Variants in PPP2R2C observed in about 807,000 individuals in gnomAD.
PPP2R2C encodes the protein protein phosphatase 2 regulatory subunit Bgamma.
In PPP2R2C, 10 loss-of-function variants were observed where a neutral mutation model predicts 45.3. The observed-to-expected ratio is 0.22, with a 90% CI of 0.14 to 0.37. The LOEUF is 0.37. Ranked by LOEUF, PPP2R2C falls within the 10% of genes least tolerant of loss-of-function variation. The probability of loss-of-function intolerance (pLI) is 1.00; values close to 1 mark genes in which losing one functional copy is unlikely to be tolerated. For synonymous variants in PPP2R2C, 257 were observed against 245.4 expected, an observed-to-expected ratio of 1.05 and a Z score of -0.44; for missense variants, 308 against 619.7, an observed-to-expected ratio of 0.50 and a Z score of 5.34.
intron 5 of PPP2R2C, among the ~76,000 whole-genome samples, chr4:6,348,478 G>C (rs1712214349): frequency 2.6e-5 from 4 of 152,106 alleles, no homozygotes; most frequent in African/African-American, 9.7e-5. Flanking sequence ...AATTGTGTCT[G>C]GAATTGAGTG....
intron 1 of PPP2R2C, among the ~76,000 whole-genome samples, chr4:6,409,623 G>C (rs765787630): frequency 1.3e-5 from 2 of 152,210 alleles, no homozygotes; most frequent in East Asian, 1.9e-4. Context: ...AGAGTAGCAA[G>C]AGGGAGGCAC....
At position 6,321,021 on chromosome 4, in the gene PPP2R2C, G is replaced by C. The variant is rs1217816322; in HGVS notation, c.*2281C>G. ...TTGCTTTGGACATCATTATTTTCCAGGGATCCAGAGACATACTTTTCTTCA... is the reference window on the plus strand; with the variant it reads ...TTGCTTTGGACATCATTATTTTCCACGGATCCAGAGACATACTTTTCTTCA... On this transcript the variant is annotated 3_prime_UTR_variant, in exon 9 of 9. Transcript: ENST00000382599. The C allele has an allele frequency of 6.6e-6, 1 of 152,110 alleles. No homozygotes were observed. The highest frequency in any genetic ancestry group is 1.5e-5 in the Non-Finnish European group (1 of 68,032). The allele number at this position is 152,110 out of a possible 1,614,324, so 9.4% of individuals were successfully genotyped here. A position where few individuals can be genotyped will look rare whatever the true frequency, so the allele number is the denominator to read the frequency against.
In PPP2R2C at chr4:6,471,764, GA is replaced by G; in HGVS notation, c.70+395del. ...AATTCTGCGGGCTTTGGGCAGGGCT[GA>G]AATGGCAAATCCAGGATTTAAACCA... On this transcript the variant is annotated intron_variant, in intron 1 of 8. Coordinates refer to ENST00000382599, the MANE Select transcript of PPP2R2C (RefSeq NM_020416.4). The surrounding 1 kb of genome is among the most constrained non-coding windows in gnomAD (Gnocchi z 5.6). 1 of 179,162 alleles carries G rather than the reference GA, an allele frequency of 5.6e-6. No individual in the cohort carries two copies. Among genetic ancestry groups the G allele is most frequent in the Non-Finnish European group, 1.2e-5 (1 of 85,788 alleles). The allele number at this position is 179,162 out of a possible 1,614,324, so 11.1% of individuals were successfully genotyped here. A position where few individuals can be genotyped will look rare whatever the true frequency, so the allele number is the denominator to read the frequency against.
rs1464306392 is a variant in PPP2R2C at position 6,381,345 on chromosome 4, C to A, written c.71-251G>T. 7 of 1,507,090 alleles carry A rather than the reference C, an allele frequency of 4.6e-6. No homozygotes were observed. The South Asian group carries it at 8.4e-5, about 18-fold the overall frequency. The allele number at this position is 1,507,090 out of a possible 1,614,324, so 93.4% of individuals were successfully genotyped here. A position where few individuals can be genotyped will look rare whatever the true frequency, so the allele number is the denominator to read the frequency against. On this transcript the variant is annotated intron_variant, in intron 1 of 8. Transcript: ENST00000382599. ...GGGACTTGGCACAGGCCTGGGGCGACCACAGTGGCTGGCAGACTTTATAGT... is the reference window on the plus strand; with the variant it reads ...GGGACTTGGCACAGGCCTGGGGCGAACACAGTGGCTGGCAGACTTTATAGT...
rs573598950 is a variant in PPP2R2C at position 6,358,467 on chromosome 4, A to G, written c.626-10457T>C. Among the ~76,000 whole-genome samples, 35 of 152,232 alleles carry G rather than the reference A, an allele frequency of 2.3e-4. 1 individual carries two copies. In the East Asian group the frequency reaches 6.4e-3, roughly 28 times the overall value. ...TAAAACACCAAAAGCAATGGCAACA[A>G]AAGCCAAAATAGACAAATGGGATCT... On this transcript the variant is annotated intron_variant, in intron 5 of 8. Coordinates refer to ENST00000382599, the MANE Select transcript of PPP2R2C (RefSeq NM_020416.4).
At chr4:6,460,847 C>T (rs1721283800) in intron 1 of PPP2R2C, among the ~76,000 whole-genome samples, 1 of 152,144 alleles carries the variant, frequency 6.6e-6, no homozygotes, top group Admixed American at 6.5e-5. Context: ...CCATCTGGTT[C>T]CACAATGTCA....
chr4:6,393,116 T>G (rs1716770364), intron 1 of PPP2R2C, among the ~76,000 whole-genome samples: 2 of 152,208 alleles, frequency 1.3e-5, no homozygotes, highest in African/African-American at 4.8e-5. Context: ...TTTTAACAGA[T>G]TCACAGAATT....
Position 6,382,575 on chromosome 4 carries a change from A to G in PPP2R2C, c.71-1481T>C, listed in dbSNP as rs1715881649. 3.8e-6 allele frequency: 5 copies of G among 1,301,560 alleles called. No individual in the cohort carries two copies. In the Admixed American group the frequency reaches 9.7e-5, roughly 25 times the overall value. The allele number at this position is 1,301,560 out of a possible 1,614,324, so 80.6% of individuals were successfully genotyped here. ...GCAGCTTCCCCAGTCTCAGGTGATG[A>G]CAGCTCTATTGTTCACTTGCTCAGG... On this transcript the variant is annotated intron_variant, in intron 1 of 8. Transcript: ENST00000382599.
chr4:6,423,191 T>G (rs1719085535), intron 1 of PPP2R2C, among the ~76,000 whole-genome samples: 1 of 151,712 alleles, frequency 6.6e-6, no homozygotes, highest in Admixed American at 6.6e-5. Context: ...ATTTTGGGGG[T>G]TTTCTTGTTT....
intron 1 of PPP2R2C, among the ~76,000 whole-genome samples, chr4:6,445,513 T>C (rs1049157918): frequency 6.6e-6 from 1 of 152,238 alleles, no homozygotes; most frequent in African/African-American, 2.4e-5. Flanking sequence ...CACAGCCTCA[T>C]AGACAGACAG....
At chr4:6,419,524 G>A (rs1003233436) in intron 1 of PPP2R2C, among the ~76,000 whole-genome samples, 1 of 152,102 alleles carries the variant, frequency 6.6e-6, no homozygotes, top group Non-Finnish European at 1.5e-5. Context: ...TCTACTATCA[G>A]GCCCTTCACA....
At chr4:6,462,118 G>T (rs925568505) in intron 1 of PPP2R2C, among the ~76,000 whole-genome samples, 1 of 152,258 alleles carries the variant, frequency 6.6e-6, no homozygotes. Flanking sequence ...GGAGAGAGGG[G>T]CAGCCCCAAG....
chr4:6,411,129 C>G (rs1484161252), intron 1 of PPP2R2C, among the ~76,000 whole-genome samples: 2 of 152,038 alleles, frequency 1.3e-5, no homozygotes, highest in African/African-American at 4.8e-5. Context: ...CCTCAGCCTC[C>G]CAAAGGGCTT....
chr4:6,499,889 C>A (rs565152264), intron 2 of PPP2R2C, among the ~76,000 whole-genome samples: 204 of 152,228 alleles, frequency 1.3e-3, no homozygotes, highest in African/African-American at 4.6e-3. Context: ...CCCCTCCCCA[C>A]CAAGCCACTC....
At position 6,525,661 on chromosome 4, in the gene PPP2R2C, C is replaced by T. The variant is rs148055507; in HGVS notation, c.49+9610G>A. Among the ~76,000 whole-genome samples, 15 of 152,270 alleles carry T rather than the reference C, an allele frequency of 9.9e-5. No individual in the cohort carries two copies. In the East Asian group the frequency reaches 1.5e-3, roughly 16 times the overall value. ...CCCTACTGCTGATTCCAACCAACCA[C>T]TCAGGGCTGCCCCTTTCTTTTTCAG... On this transcript the variant is annotated intron_variant, in intron 2 of 9. Transcript: ENST00000506140.
At chr4:6,535,153 G>A in intron 2 of PPP2R2C, 1 of 1,194,428 alleles carries the variant, frequency 8.4e-7, no homozygotes, top group East Asian at 2.6e-5. Context: ...CCGGATCCCA[G>A]CACGGTGGGG....
At chr4:6,419,334 G>A (rs1446207966) in intron 1 of PPP2R2C, among the ~76,000 whole-genome samples, 1 of 152,160 alleles carries the variant, frequency 6.6e-6, no homozygotes, top group Non-Finnish European at 1.5e-5. Context: ...GCTAAGGCAG[G>A]AGAATCGCTT....
chr4:6,443,268 T>A (rs1720244438), intron 1 of PPP2R2C, among the ~76,000 whole-genome samples: 1 of 152,222 alleles, frequency 6.6e-6, no homozygotes, highest in Admixed American at 6.5e-5. Flanking sequence ...TCAACCTTAA[T>A]AGGATTAGTG....
chr4:6,346,684 A>G (rs573154577), intron 6 of PPP2R2C, among the ~76,000 whole-genome samples: 187 of 152,298 alleles, frequency 1.2e-3, no homozygotes, highest in Admixed American at 2.7e-3. Flanking sequence ...AACTTGGCCA[A>G]GGAAGGAGGC....
Sources: gnomAD v4.1 joint callset for allele counts (sites outside exome capture counted in the v4.1 genomes callset) on GRCh38, gnomAD v4.1.1 for gene constraint, Gnocchi (gnomAD v3.1) non-coding constraint, MANE v1.5 for transcripts, NCBI Gene and HGNC (gene_info 2026-07-23, HGNC 2026-07-21) for gene names.